The following CYTH3 variants were observed in gnomAD, a reference collection of about 807,000 sequenced individuals.
The protein encoded by CYTH3 is cytohesin-3.
CYTH3 carries 23 observed loss-of-function variants against 55.1 expected under a neutral mutation model. The observed-to-expected ratio is 0.42, with a 90% CI of 0.30 to 0.59. The LOEUF is 0.59. CYTH3 is among the 20% of genes least tolerant of loss of function. The pLI is 0.20. For missense variants in CYTH3, 413 were observed against 524.8 expected (o/e 0.79, Z 2.08); for synonymous variants, 249 against 194.9 (o/e 1.28, Z -2.31).
At chr7:6,187,498 G>C (rs1036991083) in intron 3 of CYTH3, among the ~76,000 whole-genome samples, 159 bp downstream of exon 3, 1 of 152,104 alleles carries the variant, frequency 6.6e-6, no homozygotes, top group South Asian at 2.1e-4. Context: ...AACACCCCTG[G>C]ACCCCTCCAC....
At position 6,168,774 on chromosome 7, in the gene CYTH3, C is replaced by A. The variant is rs145794128; in HGVS notation, c.823+1761G>T. Among the ~76,000 whole-genome samples the A allele has an allele frequency of 7.1e-3, 1,075 of 152,386 alleles. 10 individuals are homozygous for A. The highest frequency in any genetic ancestry group is 0.054 in the Middle Eastern group (16 of 294). On this transcript the variant is annotated intron_variant, in intron 9 of 12. Transcript: ENST00000350796. ...CTGCTGTGCCTTCATTTCATTCACA[C>A]ACTTACGTCTCTAGAGCCGACCTTT...
At chr7:6,165,123 G>C in intron 12 of CYTH3, 107 bp from the exon 13 acceptor site, 1 of 1,567,184 alleles carries the variant, frequency 6.4e-7, no homozygotes, top group South Asian at 1.1e-5. Flanking sequence ...GCTCAGATCT[G>C]AACGTCGGCT....
chr7:6,217,905 A>G (rs1251842164), intron 1 of CYTH3, among the ~76,000 whole-genome samples: 2 of 152,130 alleles, frequency 1.3e-5, no homozygotes. Flanking sequence ...ATGGAGAGCG[A>G]GGCATGGTGG....
At chr7:6,251,342 T>C (rs1032867279) in intron 1 of CYTH3, among the ~76,000 whole-genome samples, 10 of 151,184 alleles carry the variant, frequency 6.6e-5, no homozygotes, top group Non-Finnish European at 1.3e-4. Flanking sequence ...TTTTTTTTTT[T>C]CTTTAAAGGA....
At chr7:6,221,508 C>T (rs1254181467) in intron 1 of CYTH3, among the ~76,000 whole-genome samples, 2 of 152,110 alleles carry the variant, frequency 1.3e-5, no homozygotes, top group African/African-American at 4.8e-5. Flanking sequence ...GCGGTGGCTA[C>T]ATCAATCTAC....
At chr7:6,227,625 T>C (rs1779289122) in intron 1 of CYTH3, among the ~76,000 whole-genome samples, 1 of 152,224 alleles carries the variant, frequency 6.6e-6, no homozygotes, top group Non-Finnish European at 1.5e-5. Flanking sequence ...TTTAGGCAGC[T>C]TTGCCAAGGC....
intron 1 of CYTH3, among the ~76,000 whole-genome samples, chr7:6,262,634 T>C (rs1399722437): frequency 6.6e-6 from 1 of 152,198 alleles, no homozygotes. Flanking sequence ...TTTGGATCAC[T>C]TGAGGCCAGT....
intron 1 of CYTH3, among the ~76,000 whole-genome samples, chr7:6,249,872 G>A (rs747921589): frequency 2.0e-5 from 3 of 152,180 alleles, no homozygotes; most frequent in Non-Finnish European, 2.9e-5. Flanking sequence ...CTTGTGTAGT[G>A]AGAATACTTA....
rs146193667 is a variant in CYTH3, at chr7:6,187,303, G to C, written c.183-187C>G. On this transcript the variant is annotated intron_variant, in intron 3 of 12. Coordinates refer to ENST00000350796, the MANE Select transcript of CYTH3 (RefSeq NM_004227.4). Reference sequence around the variant, plus strand: ...GCAGCCACCATTGCTGTTCACATTTGATAACTTGAGACACTTCAGAAAAAG... The same window carrying C: ...GCAGCCACCATTGCTGTTCACATTTCATAACTTGAGACACTTCAGAAAAAG... Among the ~76,000 whole-genome samples, 24 of 152,344 alleles carry C rather than the reference G, an allele frequency of 1.6e-4. No homozygotes were observed. In the East Asian group the frequency reaches 4.1e-3, roughly 26 times the overall value.
chr7:6,179,675 ACCACACACACC>A (rs1783433578), intron 4 of CYTH3, among the ~76,000 whole-genome samples: 1 of 55,364 alleles, frequency 1.8e-5, no homozygotes, highest in Non-Finnish European at 3.1e-5. Flanking sequence ...CCACACACAC[ACCACACACACC>A]CCCCCACACA....
intron 4 of CYTH3, among the ~76,000 whole-genome samples, chr7:6,181,585 G>A (rs1181454040): frequency 6.6e-6 from 1 of 152,164 alleles, no homozygotes; most frequent in South Asian, 2.1e-4. Context: ...TACTTGACAC[G>A]TCTATGTGTA....
chr7:6,225,600 C>G (rs537079986), intron 1 of CYTH3, among the ~76,000 whole-genome samples: 22 of 152,036 alleles, frequency 1.4e-4, no homozygotes, highest in Non-Finnish European at 2.9e-4. Context: ...AGGTGATCCA[C>G]CCACCTTGGC....
intron 1 of CYTH3, among the ~76,000 whole-genome samples, chr7:6,207,800 AT>A (rs2128548459): frequency 6.6e-6 from 1 of 152,144 alleles, no homozygotes; most frequent in African/African-American, 2.4e-5. Flanking sequence ...AAATACAAAA[AT>A]TACCTGGGTG....
chr7:6,204,598 C>CTG (rs1784142627), intron 1 of CYTH3, among the ~76,000 whole-genome samples: 1 of 152,178 alleles, frequency 6.6e-6, no homozygotes, highest in African/African-American at 2.4e-5. Flanking sequence ...GATTCAGGTT[C>CTG]TGTGGACCCC....
rs1782921587 is a variant in CYTH3, at chr7:6,164,236, CTGCCCCCGTGCCGG to C, written c.*694_*707del. 1 of 152,548 alleles carries C rather than the reference CTGCCCCCGTGCCGG, an allele frequency of 6.6e-6. No individual in the cohort carries two copies. The highest frequency in any genetic ancestry group is 2.1e-4 in the South Asian group (1 of 4,826). 9.4% of individuals were successfully genotyped at this position (152,548 alleles called of 1,614,324 possible). A position where few individuals can be genotyped will look rare whatever the true frequency, so the allele number is the denominator to read the frequency against. ...CAGCCTGACAGGGCAGGGCTGCACG[CTGCCCCCGTGCCGG>C]TGCCCCCAGCCCTCCCCTTGGGTGC... On this transcript the variant is annotated 3_prime_UTR_variant, in exon 13 of 13. Coordinates refer to ENST00000350796, the MANE Select transcript of CYTH3 (RefSeq NM_004227.4).
intron 1 of CYTH3, among the ~76,000 whole-genome samples, chr7:6,248,667 C>T (rs1261677119): frequency 6.6e-6 from 1 of 152,198 alleles, no homozygotes; most frequent in Non-Finnish European, 1.5e-5. Context: ...TGCCCGTGGC[C>T]ACTCAGGGTC....
intron 2 of CYTH3, chr7:6,188,914 T>C (rs1195211865): frequency 6.6e-6 from 1 of 152,190 alleles, no homozygotes; most frequent in East Asian, 1.9e-4. Flanking sequence ...TTCCATGAAT[T>C]ACCTTTCAAA....
intron 1 of CYTH3, among the ~76,000 whole-genome samples, chr7:6,264,899 CAT>C (rs1281874389): frequency 1.3e-5 from 2 of 152,304 alleles, no homozygotes; most frequent in Admixed American, 1.3e-4. Context: ...TAAGGCGTGA[CAT>C]GTGCTAAGGG....
intron 1 of CYTH3, among the ~76,000 whole-genome samples, chr7:6,264,115 C>T (rs1215125881): frequency 4.6e-5 from 7 of 151,712 alleles, no homozygotes; most frequent in African/African-American, 1.5e-4. Flanking sequence ...GGCATGATGG[C>T]GGGCACCTGT....
Sources: allele counts gnomAD v4.1 joint callset (sites outside exome capture counted in the v4.1 genomes callset), GRCh38; gene constraint gnomAD v4.1.1; transcripts MANE v1.5; gene names NCBI Gene and HGNC (gene_info 2026-07-23, HGNC 2026-07-21).